NRXN3: variants seen among roughly 807,000 people sequenced by gnomAD.
NRXN3 encodes the protein neurexin 3.
A neutral mutation model predicts 137.6 loss-of-function variants in NRXN3; 32 were observed. The observed-to-expected ratio is 0.23, with a 90% confidence interval of 0.18 to 0.31. The LOEUF (loss-of-function observed/expected upper bound fraction) is 0.31. Among genes scored for constraint, NRXN3 ranks in the 10% least tolerant of loss-of-function variants. NRXN3 has a pLI of 1.00. For missense variants in NRXN3, 1,574 were observed against 2,062.5 expected, an observed-to-expected ratio of 0.76 and a Z score of 4.59; for synonymous variants, 798 against 784.5, an observed-to-expected ratio of 1.02 and a Z score of -0.29.
intron 16 of NRXN3, among the ~76,000 whole-genome samples, chr14:79,558,853 A>C (rs769504537): frequency 7.9e-5 from 12 of 152,150 alleles, no homozygotes; most frequent in Non-Finnish European, 1.3e-4. Flanking sequence ...CATCTTTATC[A>C]ATGATCTTAG....
intron 4 of NRXN3, among the ~76,000 whole-genome samples, chr14:78,488,875 A>G (rs538274662): frequency 6.8e-6 from 1 of 147,646 alleles, no homozygotes; most frequent in South Asian, 2.3e-4. Flanking sequence ...AGTGAAGAGG[A>G]GAAGGGGGTG....
chr14:78,606,827 T>C (rs994860539), intron 4 of NRXN3, among the ~76,000 whole-genome samples: 1 of 152,210 alleles, frequency 6.6e-6, no homozygotes, highest in Admixed American at 6.5e-5. Context: ...TTTCCACAAA[T>C]GGAGTAAGCG....
intron 8 of NRXN3, among the ~76,000 whole-genome samples, chr14:78,747,278 C>T (rs977755250): frequency 6.6e-6 from 1 of 152,172 alleles, no homozygotes; most frequent in East Asian, 1.9e-4. Context: ...TTTTCTCATC[C>T]TTGATGTGGG....
Position 79,303,321 on chromosome 14 carries a change from A to G in NRXN3, c.3263-163900A>G, listed in dbSNP as rs1256578017. 7.2e-5 allele frequency among the ~76,000 whole-genome samples: 11 copies of G among 152,210 alleles called. No individual in the cohort carries two copies. The East Asian group carries it at 2.1e-3, about 30-fold the overall frequency. ...TGTTATCAGCAAGAAACTAAAAATC[A>G]TGAAGCAATGCAGACTTTTTGAATC... On this transcript the variant is annotated intron_variant, in intron 15 of 20. Coordinates refer to ENST00000335750, the MANE Select transcript of NRXN3 (RefSeq NM_001330195.2).
chr14:79,291,798 A>T (rs1470657748), intron 15 of NRXN3, among the ~76,000 whole-genome samples: 1 of 151,866 alleles, frequency 6.6e-6, no homozygotes, highest in Non-Finnish European at 1.5e-5. Flanking sequence ...TGGTGGGAAA[A>T]AATTTCAAAG....
chr14:78,326,524 A>G (rs1442794306), intron 4 of NRXN3, among the ~76,000 whole-genome samples: 1 of 152,190 alleles, frequency 6.6e-6, no homozygotes, highest in Non-Finnish European at 1.5e-5. Flanking sequence ...GGAGTCACGC[A>G]TGTGATTGAC....
At position 78,674,371 on chromosome 14, in the gene NRXN3, C is replaced by A. The variant is rs138668068; in HGVS notation, c.1221+23045C>A. ...CCTTTCTGAAGCCCTGGATCCCTGGCCAATGCACCCTACTCCAAGCACATT... is the reference window on the plus strand; with the variant it reads ...CCTTTCTGAAGCCCTGGATCCCTGGACAATGCACCCTACTCCAAGCACATT... On this transcript the variant is annotated intron_variant, in intron 6 of 20. Coordinates refer to ENST00000335750, the MANE Select transcript of NRXN3 (RefSeq NM_001330195.2). 2.3e-4 allele frequency among the ~76,000 whole-genome samples: 35 copies of A among 152,232 alleles called. No homozygotes were observed. In the East Asian group the frequency reaches 6.8e-3, roughly 29 times the overall value.
intron 4 of NRXN3, among the ~76,000 whole-genome samples, chr14:78,626,706 A>G (rs1397342423): frequency 6.6e-6 from 1 of 152,176 alleles, no homozygotes; most frequent in Non-Finnish European, 1.5e-5. Context: ...GGGTCTTCAG[A>G]GGGCTATCCC....
chr14:78,419,983 ACAC>A (rs777905599), intron 4 of NRXN3, among the ~76,000 whole-genome samples: 1,085 of 41,920 alleles, frequency 0.026, 8 homozygotes, highest in Non-Finnish European at 0.08. Flanking sequence ...ACACACACAC[ACAC>A]GTAAAGTCCT....
At chr14:79,481,942 G>T (rs771823549) in intron 16 of NRXN3, among the ~76,000 whole-genome samples, 3 of 152,072 alleles carry the variant, frequency 2.0e-5, no homozygotes, top group Non-Finnish European at 4.4e-5. Flanking sequence ...GCCCAGGTGG[G>T]GGACATCTGA....
intron 15 of NRXN3, among the ~76,000 whole-genome samples, chr14:79,423,166 G>A (rs185122745): frequency 6.6e-6 from 1 of 152,192 alleles, no homozygotes; most frequent in East Asian, 1.9e-4. Context: ...TCATGGCCAG[G>A]GGTAAAATGC....
intron 20 of NRXN3, among the ~76,000 whole-genome samples, chr14:79,858,393 C>A (rs892468466): frequency 6.6e-6 from 1 of 152,170 alleles, no homozygotes; most frequent in Non-Finnish European, 1.5e-5. Context: ...ACTCTGTAAT[C>A]ATGAAGATGG....
chr14:78,680,837 A>T (rs1427298461), intron 6 of NRXN3, among the ~76,000 whole-genome samples: 1 of 152,168 alleles, frequency 6.6e-6, no homozygotes, highest in African/African-American at 2.4e-5. Flanking sequence ...CTGAACTAGC[A>T]TGTCTACAAT....
At chr14:79,609,078 G>A (rs941627275) in intron 16 of NRXN3, among the ~76,000 whole-genome samples, 3 of 152,110 alleles carry the variant, frequency 2.0e-5, no homozygotes, top group East Asian at 1.9e-4. Context: ...GTTCCTGATC[G>A]TTTTTCATAG....
chr14:78,348,112 A>T (rs2082988218), intron 4 of NRXN3, among the ~76,000 whole-genome samples: 1 of 152,154 alleles, frequency 6.6e-6, no homozygotes, highest in African/African-American at 2.4e-5. Context: ...TGTGCATGGC[A>T]TCAAAGCTCA....
intron 15 of NRXN3, among the ~76,000 whole-genome samples, chr14:79,024,676 G>T (rs1362223485): frequency 6.6e-6 from 1 of 152,078 alleles, no homozygotes; most frequent in Non-Finnish European, 1.5e-5. Flanking sequence ...GCCTTTCAGG[G>T]CTTGGTAAAA....
At chr14:79,761,420 T>C (rs2099038087) in intron 19 of NRXN3, among the ~76,000 whole-genome samples, 2 of 151,646 alleles carry the variant, frequency 1.3e-5, no homozygotes, top group South Asian at 4.1e-4. Flanking sequence ...CTCCAAAACC[T>C]TTCTCCTTAG....
At chr14:79,614,292 A>G (rs2098133330) in intron 16 of NRXN3, among the ~76,000 whole-genome samples, 2 of 152,206 alleles carry the variant, frequency 1.3e-5, no homozygotes, top group African/African-American at 4.8e-5. Context: ...GGCCTTAGAT[A>G]AGCTTACTGT....
chr14:78,312,570 C>T (rs1349114621), intron 4 of NRXN3, among the ~76,000 whole-genome samples: 1 of 145,764 alleles, frequency 6.9e-6, no homozygotes, highest in Admixed American at 6.8e-5. Flanking sequence ...GTAATTTTTT[C>T]AACTAAAAAG....
Sources: allele counts gnomAD v4.1 joint callset (sites outside exome capture counted in the v4.1 genomes callset), GRCh38; gene constraint gnomAD v4.1.1; transcripts MANE v1.5; gene names NCBI Gene and HGNC (gene_info 2026-07-23, HGNC 2026-07-21).